Variants in CUX1 observed in about 807,000 individuals in gnomAD.
CUX1 encodes protein CASP.
CUX1 carries 31 observed loss-of-function variants against 158.8 expected under a neutral mutation model. That is an observed-to-expected ratio of 0.20 (90% CI 0.15 to 0.26). CUX1 has a LOEUF of 0.26. CUX1 is among the 10% of genes least tolerant of loss of function. The pLI is 1.00. For missense variants in CUX1, 1,589 were observed against 2,014.6 expected (o/e 0.79, Z 4.04); for synonymous variants, 879 against 862.1 (o/e 1.02, Z -0.34).
intron 5 of CUX1, among the ~76,000 whole-genome samples, chr7:102,104,019 A>C (rs1830072607): frequency 6.6e-6 from 1 of 152,176 alleles, no homozygotes; most frequent in Non-Finnish European, 1.5e-5. Flanking sequence ...AGACTCATCA[A>C]TAAGATGATA....
At chr7:101,947,541 G>GT (rs1468362443) in intron 2 of CUX1, among the ~76,000 whole-genome samples, 2 of 152,162 alleles carry the variant, frequency 1.3e-5, no homozygotes, top group African/African-American at 4.8e-5. Context: ...GCATGCCAAC[G>GT]TATTAGACAG....
chr7:102,156,116 T>A (rs1789721422), intron 8 of CUX1, among the ~76,000 whole-genome samples: 1 of 152,202 alleles, frequency 6.6e-6, no homozygotes, highest in South Asian at 2.1e-4. Flanking sequence ...CTCAAATCGC[T>A]GTGTGTAGTT....
intron 3 of CUX1, among the ~76,000 whole-genome samples, chr7:102,061,011 G>A (rs1005212407): frequency 1.5e-5 from 2 of 129,060 alleles, no homozygotes; most frequent in African/African-American, 3.0e-5. Context: ...TGCAACCTCC[G>A]CCTCCAGGGT....
Position 102,254,263 on chromosome 7 carries a change from C to T in CUX1, c.*5221C>T. 1.0e-6 allele frequency: 1 copy of T among 985,438 alleles called. No homozygotes were observed. Among genetic ancestry groups the T allele is most frequent in the Non-Finnish European group, 1.2e-6 (1 of 829,946 alleles). The allele number at this position is 985,438 out of a possible 1,614,324, so 61.0% of individuals were successfully genotyped here. A position where few individuals can be genotyped will look rare whatever the true frequency, so the allele number is the denominator to read the frequency against. On this transcript the variant is annotated 3_prime_UTR_variant, in exon 24 of 24. Coordinates refer to ENST00000292535, the MANE Select transcript of CUX1 (RefSeq NM_181552.4). ...TCCAGTCCTGCTCAGCTGTTAAGAT[C>T]CATCATGGCCATTATCCTTGTCCCG...
At chr7:101,837,136 A>G (rs903110121) in intron 1 of CUX1, among the ~76,000 whole-genome samples, 9 of 152,186 alleles carry the variant, frequency 5.9e-5, no homozygotes, top group African/African-American at 2.2e-4. Flanking sequence ...GACATCTTTG[A>G]GATGCACTTG....
intron 17 of CUX1, among the ~76,000 whole-genome samples, chr7:102,276,126 G>A (rs1554547701): frequency 6.6e-6 from 1 of 151,996 alleles, no homozygotes. Flanking sequence ...CCTTTTGGCT[G>A]TGGCGGATAA....
chr7:102,131,220 G>A (rs1215726284), intron 8 of CUX1, among the ~76,000 whole-genome samples: 3 of 151,896 alleles, frequency 2.0e-5, no homozygotes, highest in Admixed American at 1.3e-4. Context: ...TCCAATTTCC[G>A]ATCGATTTTT....
At chr7:101,880,107 A>G (rs1799564337) in intron 1 of CUX1, among the ~76,000 whole-genome samples, 1 of 152,156 alleles carries the variant, frequency 6.6e-6, no homozygotes, top group African/African-American at 2.4e-5. Flanking sequence ...TTTTTTAAAA[A>G]CAACTAAAGG....
chr7:102,196,153 T>C (rs1254574555), intron 14 of CUX1, among the ~76,000 whole-genome samples: 1 of 152,222 alleles, frequency 6.6e-6, no homozygotes, highest in Non-Finnish European at 1.5e-5. Context: ...CGGGCTCTAA[T>C]GGTATTGCAT....
intron 1 of CUX1, among the ~76,000 whole-genome samples, chr7:101,900,423 A>G (rs1802028412): frequency 6.6e-6 from 1 of 152,216 alleles, no homozygotes; most frequent in African/African-American, 2.4e-5. Context: ...GCTCTCAGCC[A>G]ATGGCAGGAT....
In CUX1 at chr7:101,916,010, C is replaced by T; in HGVS notation, c.31-105C>T. 1 of 760,934 alleles carries T rather than the reference C, an allele frequency of 1.3e-6. No individual in the cohort carries two copies. Among genetic ancestry groups the T allele is most frequent in the Non-Finnish European group, 2.4e-6 (1 of 423,478 alleles). The allele number at this position is 760,934 out of a possible 1,614,324, so 47.1% of individuals were successfully genotyped here. ...GCCAATGAGTTGATGTTCCTTAGAG[C>T]CACTGGGGTCTCTCCCCCAGTGTTC... On this transcript the variant is annotated intron_variant, in intron 1 of 23. Transcript: ENST00000292535. The surrounding 1 kb of genome is among the most constrained non-coding windows in gnomAD (Gnocchi z 4.4).
intron 2 of CUX1, among the ~76,000 whole-genome samples, chr7:102,021,253 G>A (rs1819302578): frequency 6.6e-6 from 1 of 152,074 alleles, no homozygotes; most frequent in East Asian, 1.9e-4. Context: ...TCCCAGAAAA[G>A]TATCCAAGTT....
At chr7:101,840,000 G>A (rs940842030) in intron 1 of CUX1, among the ~76,000 whole-genome samples, 16 of 152,214 alleles carry the variant, frequency 1.1e-4, no homozygotes, top group African/African-American at 3.9e-4. Flanking sequence ...GACCTCAGGT[G>A]ATCCGTCTGC....
chr7:102,133,567 C>T (rs1462821093), intron 8 of CUX1, among the ~76,000 whole-genome samples: 1 of 151,028 alleles, frequency 6.6e-6, no homozygotes, highest in East Asian at 1.9e-4. Context: ...CCTCCGCCTC[C>T]CGGGTTCAAG....
In CUX1 at chr7:102,196,673, G is replaced by A. The variant is rs1208666189; in HGVS notation, c.1262G>A (p.Arg421Gln). ...RRKGKDQPES[R>Q]RPGSLPAPPP... ...AAAGGGAAAGACCAGCCTGAAAGTC[G>A]GCGCCCGGGATCTTTGCCGGCCCCC... is the stretch of plus-strand genomic sequence containing the variant. Residue 421 changes from arginine (R) to glutamine (Q), a missense_variant, in exon 15 of 24, where the codon CGG becomes CAG. By Grantham distance (43) the Arg-to-Gln change is conservative. Transcript: ENST00000292535. The A allele has an allele frequency of 1.9e-6, 3 of 1,591,948 alleles. No homozygotes were observed. Among genetic ancestry groups the A allele is most frequent in the Non-Finnish European group, 2.6e-6 (3 of 1,167,914 alleles).
intron 13 of CUX1, among the ~76,000 whole-genome samples, chr7:102,195,273 G>A (rs1701402913): frequency 6.6e-6 from 1 of 152,204 alleles, no homozygotes; most frequent in South Asian, 2.1e-4. Context: ...AGCTGTGGAA[G>A]TCTAAGAAGG....
intron 3 of CUX1, among the ~76,000 whole-genome samples, chr7:102,051,825 G>C (rs999476134): frequency 1.3e-5 from 2 of 152,114 alleles, no homozygotes; most frequent in African/African-American, 2.4e-5. Flanking sequence ...TTTTCGCTTT[G>C]CTTTTCTTTT....
chr7:101,817,332 G>A, upstream of CUX1: 3 of 984,646 alleles, frequency 3.0e-6, no homozygotes, highest in Non-Finnish European at 3.6e-6. The surrounding 1 kb of genome is among the most constrained non-coding windows in gnomAD (Gnocchi z 4.1). Context: ...CTCTCTGCAG[G>A]GCCCGCCATG....
chr7:102,178,673 G>T lies in CUX1; in HGVS notation c.1017+16G>T, dbSNP rs782295299. 1.3e-6 allele frequency: 2 copies of T among 1,595,472 alleles called. No homozygotes were observed. The highest frequency in any genetic ancestry group is 1.7e-6 in the Non-Finnish European group (2 of 1,169,864). On this transcript the variant is annotated intron_variant, in intron 11 of 23. Transcript: ENST00000292535. ...CACACTCAAAGTAAGGGGGCTGCGG[G>T]GCCCGGGGGTGGCCCGAGGAGGCAG... is the stretch of plus-strand genomic sequence containing the variant.
Sources: gnomAD v4.1 joint callset for allele counts (sites outside exome capture counted in the v4.1 genomes callset) on GRCh38, gnomAD v4.1.1 for gene constraint, Gnocchi (gnomAD v3.1) non-coding constraint, MANE v1.5 for transcripts, NCBI Gene and HGNC (gene_info 2026-07-23, HGNC 2026-07-21) for gene names.